Variants in PRKN observed in about 807,000 individuals in gnomAD.
PRKN encodes parkin RBR E3 ubiquitin protein ligase.
In PRKN, 56 loss-of-function variants were observed where a neutral mutation model predicts 59.5. The ratio of observed to expected loss-of-function variants is 0.94; its 90% CI spans 0.76 to 1.18. PRKN has a LOEUF of 1.18. PRKN is among the 50% of genes most tolerant of loss of function. The pLI, the probability that PRKN is intolerant of heterozygous loss-of-function variation, is 0.00. For missense variants in PRKN, 657 were observed against 596.4 expected (o/e 1.10, Z -1.06); for synonymous variants, 250 against 222.1 (o/e 1.13, Z -1.12).
intron 9 of PRKN, among the ~76,000 whole-genome samples, chr6:161,472,629 C>A (rs914388479): frequency 3.3e-5 from 5 of 151,960 alleles, no homozygotes; most frequent in Non-Finnish European, 7.4e-5. Context: ...GCTCAGGCAA[C>A]AAAAGTGAAA....
Position 161,385,440 on chromosome 6 carries a change from G to T in PRKN, c.1167+1354C>A, listed in dbSNP as rs1786197877. On this transcript the variant is annotated intron_variant, in intron 10 of 11. Coordinates refer to ENST00000366898, the MANE Select transcript of PRKN (RefSeq NM_004562.3). The surrounding 1 kb of genome is among the most constrained non-coding windows in gnomAD (Gnocchi z 4.9). ...AACAATTTAAAAACATTTAATTTGG[G>T]CTACCTTAATCTTTAACACCAAGGC... is the stretch of plus-strand genomic sequence containing the variant. 6.6e-6 allele frequency among the ~76,000 whole-genome samples: 1 copy of T among 152,072 alleles called. No homozygotes were observed. The highest frequency in any genetic ancestry group is 6.6e-5 in the Admixed American group (1 of 15,262).
intron 4 of PRKN, among the ~76,000 whole-genome samples, chr6:162,142,228 A>G (rs1467375466): frequency 1.3e-5 from 2 of 152,184 alleles, no homozygotes; most frequent in Non-Finnish European, 2.9e-5. Context: ...GTACAACCCC[A>G]GGTCATGGGG....
chr6:161,695,415 C>T (rs1390344257), intron 7 of PRKN, among the ~76,000 whole-genome samples: 1 of 152,144 alleles, frequency 6.6e-6, no homozygotes, highest in Non-Finnish European at 1.5e-5. Flanking sequence ...TTTTGTTGCT[C>T]TTTGCCCACT....
chr6:161,633,362 CA>C (rs1361316118), intron 7 of PRKN, among the ~76,000 whole-genome samples: 1 of 152,106 alleles, frequency 6.6e-6, no homozygotes, highest in African/African-American at 2.4e-5. Flanking sequence ...TACAATGTTC[CA>C]AAGAGTCTAC....
chr6:162,492,835 C>T (rs1049830180), intron 1 of PRKN, among the ~76,000 whole-genome samples: 1 of 151,876 alleles, frequency 6.6e-6, no homozygotes, highest in Non-Finnish European at 1.5e-5. Context: ...TGCCTGTAGT[C>T]CCAGCTACCC....
At chr6:161,888,267 A>G (rs1562366980) in intron 6 of PRKN, among the ~76,000 whole-genome samples, 4 of 152,184 alleles carry the variant, frequency 2.6e-5, no homozygotes. Flanking sequence ...AGCATATGAC[A>G]GCTGAATGTC....
intron 6 of PRKN, among the ~76,000 whole-genome samples, chr6:161,891,394 C>G (rs190378507): frequency 6.6e-6 from 1 of 152,128 alleles, no homozygotes; most frequent in Non-Finnish European, 1.5e-5. Flanking sequence ...AGCTGAGATG[C>G]CAGTGAGTTC....
chr6:162,553,422 A>AGG (rs780014699), intron 1 of PRKN, among the ~76,000 whole-genome samples: 18 of 131,688 alleles, frequency 1.4e-4, no homozygotes, highest in Non-Finnish European at 2.2e-4. Flanking sequence ...GGATAGATAT[A>AGG]GGGGGGGTGC....
intron 3 of PRKN, among the ~76,000 whole-genome samples, chr6:162,208,749 T>A (rs142568052): frequency 8.1e-4 from 124 of 152,248 alleles, no homozygotes; most frequent in African/African-American, 2.9e-3. Flanking sequence ...AAAAGTTGAA[T>A]AAACTCCATA....
chr6:162,455,370 G>A (rs1387081268), intron 1 of PRKN, among the ~76,000 whole-genome samples: 1 of 152,176 alleles, frequency 6.6e-6, no homozygotes, highest in African/African-American at 2.4e-5. Flanking sequence ...ACATCATGGA[G>A]TGTATTTATG....
At chr6:162,380,231 A>T (rs1786355518) in intron 2 of PRKN, among the ~76,000 whole-genome samples, 3 of 151,920 alleles carry the variant, frequency 2.0e-5, no homozygotes, top group Non-Finnish European at 2.9e-5. Context: ...ATTTGAAATC[A>T]AGTATAGTGA....
intron 9 of PRKN, among the ~76,000 whole-genome samples, chr6:161,481,252 C>A (rs1791382038): frequency 1.3e-5 from 2 of 152,134 alleles, no homozygotes; most frequent in South Asian, 4.1e-4. Context: ...ACTCTCCCAC[C>A]CAACATATCC....
intron 4 of PRKN, among the ~76,000 whole-genome samples, chr6:162,084,378 C>T (rs778354047): frequency 2.5e-4 from 38 of 152,124 alleles, no homozygotes; most frequent in Admixed American, 9.2e-4. Context: ...CCCGTGAAGA[C>T]GCTGCCTCCA....
At chr6:162,480,086 A>C (rs2128181849) in intron 1 of PRKN, among the ~76,000 whole-genome samples, 1 of 152,106 alleles carries the variant, frequency 6.6e-6, no homozygotes, top group South Asian at 2.1e-4. Flanking sequence ...AAATAGTATA[A>C]GTTCTATAAA....
Position 161,549,004 on chromosome 6 carries a change from C to T in PRKN, c.934-1G>A. The stretch of plus-strand genomic sequence containing the variant: ...CACCATACTGCTGGTACCGGTTGTA[C>T]TGCAAAACCCAAAAAGCAGATTGAG... On this transcript the variant is annotated splice_acceptor_variant, in intron 8 of 11. Coordinates refer to ENST00000366898, the MANE Select transcript of PRKN (RefSeq NM_004562.3). LOFTEE classifies it high-confidence loss of function. The surrounding 1 kb of genome is among the most constrained non-coding windows in gnomAD (Gnocchi z 6.0). The T allele has an allele frequency of 6.2e-7, 1 of 1,614,170 alleles. No individual in the cohort carries two copies. Among genetic ancestry groups the T allele is most frequent in the South Asian group, 1.1e-5 (1 of 91,078 alleles).
Position 161,775,428 on chromosome 6 carries a change from A to G in PRKN, c.871+10344T>C, listed in dbSNP as rs751001568. Among the ~76,000 whole-genome samples, 197 of 152,140 alleles carry G rather than the reference A, an allele frequency of 1.3e-3. 1 individual carries two copies. Among genetic ancestry groups the G allele is most frequent in the Admixed American group, 2.6e-3 (39 of 15,276 alleles). ...GACCTAATTTTTAAATTTTTTGTAG[A>G]AAAGGGGTCTCCCTGTGTTGCACCA... On this transcript the variant is annotated intron_variant, in intron 7 of 11. Coordinates refer to ENST00000366898, the MANE Select transcript of PRKN (RefSeq NM_004562.3).
At chr6:162,570,571 T>C (rs911886786) in intron 1 of PRKN, among the ~76,000 whole-genome samples, 9 of 152,166 alleles carry the variant, frequency 5.9e-5, no homozygotes, top group Non-Finnish European at 1.3e-4. Context: ...AACCTAAGCA[T>C]CCATCAACAG....
At chr6:162,679,899 A>G (rs1358702794) in intron 1 of PRKN, among the ~76,000 whole-genome samples, 1 of 152,162 alleles carries the variant, frequency 6.6e-6, no homozygotes. Flanking sequence ...CATGGGTTAA[A>G]GCCTTAGGGT....
rs577881946 is a variant in PRKN at position 162,501,391 on chromosome 6, A to T, written c.8-57918T>A. 2.0e-5 allele frequency among the ~76,000 whole-genome samples: 3 copies of T among 147,314 alleles called. No individual in the cohort carries two copies. The East Asian group carries it at 6.0e-4, about 29-fold the overall frequency. On this transcript the variant is annotated intron_variant, in intron 1 of 11. Transcript: ENST00000366898. ...GAGACACAGTTTAACTCTGTCACCC[A>T]GGCTGGAGTGCTGTGGTGTAATCTC...
Sources: allele counts gnomAD v4.1 joint callset (sites outside exome capture counted in the v4.1 genomes callset), GRCh38; gene constraint gnomAD v4.1.1; non-coding constraint Gnocchi (gnomAD v3.1); transcripts MANE v1.5; gene names NCBI Gene and HGNC (gene_info 2026-07-23, HGNC 2026-07-21).